VWA3B: variants seen among roughly 807,000 people sequenced by gnomAD.
The protein encoded by VWA3B is von Willebrand factor A domain-containing protein 3B.
A neutral mutation model predicts 158.3 loss-of-function variants in VWA3B; 138 were observed. The observed-to-expected ratio is 0.87, with a 90% confidence interval of 0.76 to 1.00. The LOEUF (loss-of-function observed/expected upper bound fraction) is 1.00, where lower values mean the gene tolerates loss of function less well. Ranked by LOEUF, VWA3B falls within the 50% of genes least tolerant of loss-of-function variation. The probability of loss-of-function intolerance (pLI) is 0.00; values close to 1 mark genes in which losing one functional copy is unlikely to be tolerated. For missense variants in VWA3B, 1,555 were observed against 1,565.1 expected, an observed-to-expected ratio of 0.99 and a Z score of 0.11; for synonymous variants, 596 against 587.3, an observed-to-expected ratio of 1.01 and a Z score of -0.21.
chr2:98,088,907 C>T (rs1002074731), intron 1 of VWA3B, among the ~76,000 whole-genome samples: 1 of 151,970 alleles, frequency 6.6e-6, no homozygotes, highest in East Asian at 1.9e-4. Flanking sequence ...GTGTGTGTTA[C>T]CATGCCCGGC....
intron 14 of VWA3B, among the ~76,000 whole-genome samples, chr2:98,224,754 A>AG (rs1392834850): frequency 8.4e-4 from 2 of 2,384 alleles, no homozygotes; most frequent in East Asian, 0.083. Context: ...AGTGTGAATT[A>AG]AAAAAAAAAA....
At chr2:98,170,448 G>T (rs182186501) in intron 8 of VWA3B, among the ~76,000 whole-genome samples, 1 of 152,286 alleles carries the variant, frequency 6.6e-6, no homozygotes, top group African/African-American at 2.4e-5. Context: ...TCTGCAGGCA[G>T]TTGCAACCTA....
intron 19 of VWA3B, among the ~76,000 whole-genome samples, chr2:98,241,990 C>T (rs1205300185): frequency 6.6e-6 from 1 of 152,114 alleles, no homozygotes; most frequent in Non-Finnish European, 1.5e-5. Flanking sequence ...AAATATCTCC[C>T]ACCTCATGGG....
At chr2:98,242,499 A>G (rs1277294183) in intron 19 of VWA3B, among the ~76,000 whole-genome samples, 8 of 152,068 alleles carry the variant, frequency 5.3e-5, no homozygotes, top group East Asian at 1.9e-4. Flanking sequence ...ATAATTTGGG[A>G]AAATTGGTCT....
Position 98,133,830 on chromosome 2 carries a change from C to A in VWA3B, c.879C>A (p.His293Gln). Residue 293 changes from histidine (H) to glutamine (Q), a missense_variant, in exon 7 of 28, where the codon CAC becomes CAA. Transcript: ENST00000477737. ...DLSAKTHSRF[H>Q]AFAERTECVE... Reference sequence around the variant, plus strand: ...GCATCTCTTCACGTTTCAGATTCCACGCATTTGCCGAGAGAACAGAGTGTG... The same window carrying A: ...GCATCTCTTCACGTTTCAGATTCCAAGCATTTGCCGAGAGAACAGAGTGTG... 1.2e-6 allele frequency: 2 copies of A among 1,613,968 alleles called. No homozygotes were observed. Among genetic ancestry groups the A allele is most frequent in the Non-Finnish European group, 1.7e-6 (2 of 1,179,946 alleles).
intron 13 of VWA3B, chr2:98,216,978 A>G: frequency 8.8e-7 from 1 of 1,140,896 alleles, no homozygotes; most frequent in South Asian, 1.4e-5. Flanking sequence ...GTATCATTGT[A>G]AGCACCCGCC....
chr2:98,228,296 A>G lies in VWA3B; in HGVS notation c.2114A>G (p.Asp705Gly). Reference sequence around the variant, plus strand: ...CTTTATTCTGAGTCCTTGATCATGGACTGGTGGTACAATGCAGAAAAGGAT... The same window carrying G: ...CTTTATTCTGAGTCCTTGATCATGGGCTGGTGGTACAATGCAGAAAAGGAT... ...QDLYSESLIMDWWYNAEKDGD... is the reference protein window; with the variant it reads ...QDLYSESLIMGWWYNAEKDGD... The change falls in exon 15 of 28, where the codon GAC (aspartate) becomes GGC (glycine). Residue 705 changes from aspartate to glycine, a missense_variant. By Grantham distance (94) the Asp-to-Gly change is moderately conservative. Coordinates refer to ENST00000477737, the MANE Select transcript of VWA3B (RefSeq NM_144992.5). 6.2e-7 allele frequency: 1 copy of G among 1,614,018 alleles called. No homozygotes were observed.
chr2:98,277,565 AG>A (rs1688599080), intron 22 of VWA3B, among the ~76,000 whole-genome samples: 1 of 152,240 alleles, frequency 6.6e-6, no homozygotes, highest in Admixed American at 6.5e-5. Context: ...GCAGCTCTAA[AG>A]GAGGCCGTGG....
intron 12 of VWA3B, among the ~76,000 whole-genome samples, chr2:98,209,559 C>T (rs901343453): frequency 1.3e-5 from 2 of 152,134 alleles, no homozygotes; most frequent in African/African-American, 2.4e-5. Flanking sequence ...GGATTACAGG[C>T]GTGAGCCACC....
chr2:98,143,688 G>A (rs920903366), intron 7 of VWA3B, among the ~76,000 whole-genome samples: 2 of 151,504 alleles, frequency 1.3e-5, no homozygotes, highest in African/African-American at 4.9e-5. Context: ...TCACTTATTA[G>A]CTGTGTGATT....
At chr2:98,317,335 C>CA (rs886153768), downstream of VWA3B, among the ~76,000 whole-genome samples, 1 of 152,040 alleles carries the variant, frequency 6.6e-6, no homozygotes, top group African/African-American at 2.4e-5. Context: ...TTCTAAACCC[C>CA]CCCCAGCCAT....
intron 24 of VWA3B, among the ~76,000 whole-genome samples, chr2:98,298,470 TCCCAC>T (rs954005430): frequency 6.6e-6 from 1 of 151,856 alleles, no homozygotes; most frequent in African/African-American, 2.4e-5. Context: ...TGCCATGCCA[TCCCAC>T]CCCATCCCAT....
intron 14 of VWA3B, among the ~76,000 whole-genome samples, chr2:98,225,598 G>C (rs1171282459): frequency 2.0e-5 from 3 of 150,350 alleles, no homozygotes; most frequent in East Asian, 2.0e-4. Context: ...CTAACCATGG[G>C]AACAAGGCAA....
At chr2:98,194,578 A>AAT in intron 12 of VWA3B, 86 bp downstream of exon 12, 1 of 1,522,202 alleles carries the variant, frequency 6.6e-7, no homozygotes, top group Non-Finnish European at 8.9e-7. Flanking sequence ...CATTCCTGAG[A>AAT]GGTGTTTTGC....
intron 12 of VWA3B, among the ~76,000 whole-genome samples, chr2:98,196,087 A>G (rs1682016092): frequency 6.6e-6 from 1 of 152,242 alleles, no homozygotes; most frequent in South Asian, 2.1e-4. Context: ...AGCAGAGAGT[A>G]GAATGGTGGT....
At chr2:98,297,090 T>A (rs555888855) in intron 23 of VWA3B, among the ~76,000 whole-genome samples, 20 of 152,114 alleles carry the variant, frequency 1.3e-4, no homozygotes, top group African/African-American at 4.8e-4. Flanking sequence ...TTTTCATTTT[T>A]TTTTTTTTGA....
chr2:98,144,573 T>A (rs1677026209), intron 7 of VWA3B, among the ~76,000 whole-genome samples: 1 of 151,998 alleles, frequency 6.6e-6, no homozygotes, highest in Middle Eastern at 3.4e-3. Context: ...TTTCTTTTTT[T>A]TTTTTTTAAT....
At chr2:98,159,745 G>A (rs1191237065) in intron 7 of VWA3B, among the ~76,000 whole-genome samples, 3 of 151,808 alleles carry the variant, frequency 2.0e-5, no homozygotes, top group Non-Finnish European at 4.4e-5. Context: ...GGTTGGGCAC[G>A]GTGGCTCATG....
intron 15 of VWA3B, among the ~76,000 whole-genome samples, chr2:98,229,374 C>T (rs1024480430): frequency 1.3e-5 from 2 of 152,150 alleles, no homozygotes; most frequent in Admixed American, 6.5e-5. Flanking sequence ...AGGTGCTCCA[C>T]GGAGGCGTCG....
Sources: allele counts gnomAD v4.1 joint callset (sites outside exome capture counted in the v4.1 genomes callset), GRCh38; gene constraint gnomAD v4.1.1; transcripts MANE v1.5; gene names NCBI Gene and HGNC (gene_info 2026-07-23, HGNC 2026-07-21).